UTP20: variants seen among roughly 807,000 people sequenced by gnomAD.
UTP20 encodes small subunit processome component 20 homolog.
A neutral mutation model predicts 329.5 loss-of-function variants in UTP20; 164 were observed. The observed-to-expected ratio is 0.50, with a 90% CI of 0.44 to 0.57. UTP20 has a LOEUF of 0.57. Among genes scored for constraint, UTP20 ranks in the 20% least tolerant of loss-of-function variants. The pLI is 0.00. For missense variants in UTP20, 3,055 were observed against 3,284.2 expected (o/e 0.93, Z 1.71); for synonymous variants, 1,151 against 1,159.3 (o/e 0.99, Z 0.14).
At chr12:101,338,693 AT>A in intron 30 of UTP20, 119 bp from the exon 31 acceptor site, 1 of 812,032 alleles carries the variant, frequency 1.2e-6, no homozygotes, top group Non-Finnish European at 1.8e-6. Flanking sequence ...TTTATTTAGA[AT>A]TGAAATTTAA....
At chr12:101,380,961 G>A (rs1048343253) in intron 57 of UTP20, among the ~76,000 whole-genome samples, 179 bp from the exon 58 acceptor site, 1 of 152,030 alleles carries the variant, frequency 6.6e-6, no homozygotes, top group Non-Finnish European at 1.5e-5. Context: ...GCTTAGGGCA[G>A]GTAGAAGGGA....
chr12:101,371,952 G>A (rs1870309419), intron 51 of UTP20, among the ~76,000 whole-genome samples: 1 of 152,162 alleles, frequency 6.6e-6, no homozygotes, highest in Admixed American at 6.5e-5. Flanking sequence ...TGTGCCCAAA[G>A]AGGTGGAAAG....
chr12:101,381,133 T>C lies in UTP20; in HGVS notation c.7585-7T>C, dbSNP rs1430441475. 6.2e-7 allele frequency: 1 copy of C among 1,612,368 alleles called. No individual in the cohort carries two copies. The highest frequency in any genetic ancestry group is 2.2e-5 in the East Asian group (1 of 44,872). ...TTTGTCTACCAATGTCCATTTTCTT[T>C]TCACAGATGAAAAGTATCTCTCTCG... On this transcript the variant is annotated splice_region_variant and splice_polypyrimidine_tract_variant and intron_variant, in intron 57 of 61. Transcript: ENST00000261637.
chr12:101,338,377 C>A, intron 30 of UTP20, 100 bp downstream of exon 30: 2 of 1,198,592 alleles, frequency 1.7e-6, no homozygotes, highest in East Asian at 2.4e-5. Context: ...CACTCGAGAG[C>A]ATATGCTCAG....
chr12:101,374,730 A>G (rs918799065), intron 54 of UTP20, 78 bp from the exon 55 acceptor site: 2 of 753,130 alleles, frequency 2.7e-6, no homozygotes, highest in African/African-American at 3.4e-5. Context: ...GGACAAAATA[A>G]TGCCCACCTT....
chr12:101,313,024 C>T (rs1469020175), intron 21 of UTP20, among the ~76,000 whole-genome samples: 1 of 152,158 alleles, frequency 6.6e-6, no homozygotes, highest in Non-Finnish European at 1.5e-5. Context: ...AGTGACCCAA[C>T]AGCAACACTG....
intron 40 of UTP20, among the ~76,000 whole-genome samples, chr12:101,353,849 T>C (rs1227206659): frequency 6.6e-6 from 1 of 152,256 alleles, no homozygotes; most frequent in Non-Finnish European, 1.5e-5. Context: ...TATCTTCGTA[T>C]TTATAAATGT....
chr12:101,329,530 T>A, intron 27 of UTP20, 81 bp downstream of exon 27: 1 of 1,368,108 alleles, frequency 7.3e-7, no homozygotes, highest in Non-Finnish European at 1.0e-6. Context: ...CCTAGAAGTA[T>A]AAGGTATCTT....
chr12:101,363,648 G>A lies in UTP20; in HGVS notation c.5863G>A (p.Glu1955Lys). ...EVKQILSKVM[E>K]ARRSKSYDSY... ...AAAGCAGATCCTCTCCAAAGTCATGGAAGCACGAAGAAGCAAAAGTTACGA... is the reference window on the plus strand; with the variant it reads ...AAAGCAGATCCTCTCCAAAGTCATGAAAGCACGAAGAAGCAAAAGTTACGA... The change falls in exon 45 of 62, where the codon GAA becomes AAA. Residue 1955 changes from glutamate to lysine, a missense_variant. Glu to Lys is a moderately conservative substitution (Grantham distance 56). This residue lies in a region of UTP20 where 2,445 missense variants were observed against 2,575.5 expected (regional missense o/e 0.95). Transcript: ENST00000261637. The A allele has an allele frequency of 6.2e-7, 1 of 1,614,042 alleles. No homozygotes were observed. The highest frequency in any genetic ancestry group is 8.5e-7 in the Non-Finnish European group (1 of 1,179,918).
chr12:101,363,201 T>A (rs923674418), intron 44 of UTP20, among the ~76,000 whole-genome samples: 10 of 152,178 alleles, frequency 6.6e-5, no homozygotes, highest in African/African-American at 1.4e-4. Context: ...ATAATTAGAA[T>A]GTAAATAATT....
chr12:101,287,475 G>A (rs1050058994), intron 5 of UTP20, among the ~76,000 whole-genome samples: 3 of 152,134 alleles, frequency 2.0e-5, no homozygotes, highest in Non-Finnish European at 4.4e-5. Flanking sequence ...ATTTGCTTTC[G>A]GTGTGACAAC....
chr12:101,374,043 G>A (rs983019287), intron 54 of UTP20, among the ~76,000 whole-genome samples: 8 of 151,926 alleles, frequency 5.3e-5, no homozygotes, highest in Admixed American at 1.3e-4. Context: ...AGACCATCCC[G>A]GCTAAAACGG....
intron 15 of UTP20, among the ~76,000 whole-genome samples, chr12:101,303,464 A>G (rs2137245305): frequency 6.6e-6 from 1 of 152,304 alleles, no homozygotes; most frequent in South Asian, 2.1e-4. Flanking sequence ...CAGAAGGCGG[A>G]AAGCAGTGAG....
intron 12 of UTP20, among the ~76,000 whole-genome samples, chr12:101,297,602 A>G (rs1011331611): frequency 6.6e-6 from 1 of 152,222 alleles, no homozygotes; most frequent in South Asian, 2.1e-4. Flanking sequence ...GTTGGTTTTT[A>G]AATGTATTGA....
chr12:101,374,458 TAAAC>T (rs931624739), intron 54 of UTP20, among the ~76,000 whole-genome samples: 2 of 152,222 alleles, frequency 1.3e-5, no homozygotes, highest in African/African-American at 2.4e-5. Context: ...TTGTGAAACA[TAAAC>T]AACATGTGCC....
In UTP20 at chr12:101,338,160, A is replaced by G. The variant is rs768849226; in HGVS notation, c.3751A>G (p.Ile1251Val). The change falls in exon 30 of 62, where the codon ATT (isoleucine) becomes GTT (valine). Residue 1251 changes from isoleucine (I) to valine (V), a missense_variant. Coordinates refer to ENST00000261637, the MANE Select transcript of UTP20 (RefSeq NM_014503.3). Reference sequence around the variant, plus strand: ...GAATCTTTCTGATGCCACAGCCAGTATTGTAATGGACATAGTTGATGACCT... The same window carrying G: ...GAATCTTTCTGATGCCACAGCCAGTGTTGTAATGGACATAGTTGATGACCT... ...AKNLSDATAS[I>V]VMDIVDDLLN... 1.9e-6 allele frequency: 3 copies of G among 1,614,208 alleles called. No homozygotes were observed. Among genetic ancestry groups the G allele is most frequent in the East Asian group, 2.2e-5 (1 of 44,880 alleles).
intron 15 of UTP20, among the ~76,000 whole-genome samples, chr12:101,304,897 C>G (rs544561520): frequency 3.3e-5 from 5 of 152,304 alleles, no homozygotes; most frequent in African/African-American, 1.2e-4. Flanking sequence ...TTTGTTAGTT[C>G]CAGCTGAGAT....
rs764748303 is a variant in UTP20, at chr12:101,306,024, T to A, written c.1891T>A (p.Phe631Ile). The A allele has an allele frequency of 6.2e-7, 1 of 1,613,670 alleles. No individual in the cohort carries two copies. The change falls in exon 16 of 62, where the codon TTT becomes ATT. Residue 631 changes from phenylalanine (F) to isoleucine (I), a missense_variant. This residue lies in a region of UTP20 where 2,445 missense variants were observed against 2,575.5 expected (regional missense o/e 0.95). Coordinates refer to ENST00000261637, the MANE Select transcript of UTP20 (RefSeq NM_014503.3). ...PLSQEALMELFPKLQANISTG... is the reference protein window; with the variant it reads ...PLSQEALMELIPKLQANISTG... ...TTCCCAGGAGGCTTTAATGGAATTA[T>A]TTCCCAAGTTACAAGCAAACATTTC...
At chr12:101,302,206 C>CAGGT (rs1872538889) in intron 14 of UTP20, among the ~76,000 whole-genome samples, 1 of 152,194 alleles carries the variant, frequency 6.6e-6, no homozygotes, top group South Asian at 2.1e-4. Context: ...GCTGGGATTA[C>CAGGT]AGGTATGAGC....
Sources: gnomAD v4.1 joint callset for allele counts (sites outside exome capture counted in the v4.1 genomes callset) on GRCh38, gnomAD v4.1.1 for gene constraint, gnomAD v4.1.1 regional missense constraint, MANE v1.5 for transcripts, NCBI Gene and HGNC (gene_info 2026-07-23, HGNC 2026-07-21) for gene names.